Variants in KNDC1 observed in about 807,000 individuals in gnomAD.
KNDC1 encodes kinase non-catalytic C-lobe domain-containing protein 1.
Under a neutral mutation model 172.8 loss-of-function variants are expected in KNDC1, and 106 were observed. The ratio of observed to expected loss-of-function variants is 0.61; its 90% CI spans 0.52 to 0.72. The LOEUF (loss-of-function observed/expected upper bound fraction) is 0.72. Among genes scored for constraint, KNDC1 ranks in the 30% least tolerant of loss-of-function variants. The pLI is 0.00. For synonymous variants in KNDC1, 1,083 were observed against 1,062.2 expected (o/e 1.02, Z -0.38); for missense variants, 2,325 against 2,394.5 (o/e 0.97, Z 0.61).
chr10:133,222,327 A>G (rs920506702), intron 29 of KNDC1, among the ~76,000 whole-genome samples: 1 of 152,082 alleles, frequency 6.6e-6, no homozygotes, highest in Admixed American at 6.6e-5. Context: ...AGGAAAGAAA[A>G]CAAGCCAAGA....
At chr10:133,165,701 A>G (rs1853128908) in intron 1 of KNDC1, among the ~76,000 whole-genome samples, 1 of 152,158 alleles carries the variant, frequency 6.6e-6, no homozygotes, top group Admixed American at 6.5e-5. Context: ...GGGTGTGTGC[A>G]TGTGTTTGTG....
At chr10:133,222,251 C>A (rs1374598533) in intron 29 of KNDC1, among the ~76,000 whole-genome samples, 1 of 148,376 alleles carries the variant, frequency 6.7e-6, no homozygotes, top group African/African-American at 2.5e-5. Context: ...CCACCGCACT[C>A]CAGCCTGGGC....
chr10:133,196,933 G>T, intron 10 of KNDC1, 125 bp from the exon 11 acceptor site: 2 of 713,902 alleles, frequency 2.8e-6, no homozygotes, highest in Non-Finnish European at 5.0e-6. Flanking sequence ...GTTGGGTGTC[G>T]GTGAGAACAA....
At chr10:133,201,102 C>A (rs1351181704) in intron 16 of KNDC1, among the ~76,000 whole-genome samples, 1 of 152,232 alleles carries the variant, frequency 6.6e-6, no homozygotes, top group Admixed American at 6.5e-5. Flanking sequence ...ACAGGGGAAG[C>A]TCCCGCAGGG....
intron 1 of KNDC1, among the ~76,000 whole-genome samples, chr10:133,160,989 TGGG>T (rs1205569050): frequency 6.8e-6 from 1 of 147,668 alleles, no homozygotes; most frequent in Non-Finnish European, 1.5e-5. Context: ...GAGCGGGGGG[TGGG>T]GGGAGCGCTG....
At chr10:133,161,918 G>A (rs186795123) in intron 1 of KNDC1, among the ~76,000 whole-genome samples, 113 of 152,278 alleles carry the variant, frequency 7.4e-4, no homozygotes, top group African/African-American at 2.5e-3. Flanking sequence ...CACACAACAC[G>A]CCGCGCCAGG....
At chr10:133,189,456 C>T (rs989157114) in intron 7 of KNDC1, 142 bp from the exon 8 acceptor site, 13 of 746,706 alleles carry the variant, frequency 1.7e-5, no homozygotes, top group Admixed American at 8.8e-5. Context: ...AGGCCATGTG[C>T]GTGCACTGGC....
rs1350474832 is a variant in KNDC1 at position 133,197,062 on chromosome 10, G to C, written c.1739G>C (p.Cys580Ser). Reference sequence around the variant, plus strand: ...TGAACTGTCTCCTCCCTCCAGGTGTGCGGCAGCTACCTCCTCCAGCGAGGC... The same window carrying C: ...TGAACTGTCTCCTCCCTCCAGGTGTCCGGCAGCTACCTCCTCCAGCGAGGC... ...RPSAAEAIKV[C>S]GSYLLQRGMD... Residue 580 changes from cysteine to serine, a missense_variant, in exon 11 of 30, where the codon TGC becomes TCC. By Grantham distance (112) the Cys-to-Ser change is moderately radical. Transcript: ENST00000304613. The C allele has an allele frequency of 6.2e-7, 1 of 1,612,926 alleles. No homozygotes were observed. Among genetic ancestry groups the C allele is most frequent in the Non-Finnish European group, 8.5e-7 (1 of 1,179,624 alleles).
chr10:133,213,609 G>A, intron 24 of KNDC1, 36 bp from the exon 25 acceptor site: 1 of 1,594,282 alleles, frequency 6.3e-7, no homozygotes, highest in Non-Finnish European at 8.6e-7. Flanking sequence ...CCTAAGGGAT[G>A]GAAGCCTGAA....
chr10:133,172,536 G>A (rs964117145), intron 3 of KNDC1, among the ~76,000 whole-genome samples: 7 of 152,048 alleles, frequency 4.6e-5, no homozygotes, highest in Admixed American at 1.3e-4. Flanking sequence ...TGTTTTCACC[G>A]GCCTCAGGAT....
chr10:133,179,696 C>A (rs980353034), intron 3 of KNDC1, among the ~76,000 whole-genome samples: 1 of 152,216 alleles, frequency 6.6e-6, no homozygotes, highest in African/African-American at 2.4e-5. Context: ...TGTCCCCACT[C>A]GAGGCGAGAG....
At chr10:133,200,841 G>A (rs1476092512) in intron 16 of KNDC1, among the ~76,000 whole-genome samples, 2 of 152,244 alleles carry the variant, frequency 1.3e-5, no homozygotes, top group African/African-American at 4.8e-5. Flanking sequence ...GTGAGCCGGG[G>A]CTTTGGTGAC....
At chr10:133,168,224 CCTT>C in intron 2 of KNDC1, 27 bp from the exon 3 acceptor site, 1 of 1,592,502 alleles carries the variant, frequency 6.3e-7, no homozygotes, top group Non-Finnish European at 8.6e-7. Context: ...TGACCAGAAG[CCTT>C]CTCTCCTTCT....
intron 9 of KNDC1, among the ~76,000 whole-genome samples, chr10:133,190,880 A>G (rs539433622): frequency 6.6e-6 from 1 of 152,316 alleles, no homozygotes; most frequent in Non-Finnish European, 1.5e-5. Flanking sequence ...CGCGTCCGTG[A>G]GGCTGCAGTG....
intron 29 of KNDC1, among the ~76,000 whole-genome samples, chr10:133,221,099 A>C (rs1303984591): frequency 6.6e-6 from 1 of 152,106 alleles, no homozygotes; most frequent in Non-Finnish European, 1.5e-5. Flanking sequence ...GTTGGGACCC[A>C]GGCACACTTT....
chr10:133,182,597 T>C (rs1311088833), intron 3 of KNDC1, among the ~76,000 whole-genome samples: 4 of 152,238 alleles, frequency 2.6e-5, no homozygotes, highest in Non-Finnish European at 5.9e-5. Flanking sequence ...AGTGCGGCCG[T>C]GTCCAGGGTG....
At chr10:133,170,245 C>T (rs1029015594) in intron 3 of KNDC1, among the ~76,000 whole-genome samples, 4 of 152,160 alleles carry the variant, frequency 2.6e-5, no homozygotes, top group African/African-American at 7.2e-5. Context: ...AAGTGTGGCT[C>T]GTGGGGCAGG....
At chr10:133,196,826 G>C (rs1854205375) in intron 10 of KNDC1, among the ~76,000 whole-genome samples, 1 of 152,218 alleles carries the variant, frequency 6.6e-6, no homozygotes, top group Admixed American at 6.5e-5. Context: ...CCAACGCTGG[G>C]TTTGGGATTC....
At chr10:133,176,462 T>A (rs2135960725) in intron 3 of KNDC1, among the ~76,000 whole-genome samples, 1 of 152,034 alleles carries the variant, frequency 6.6e-6, no homozygotes, top group Non-Finnish European at 1.5e-5. Flanking sequence ...CCCAGGAGGG[T>A]TGTTGCTGGT....
Sources: allele counts gnomAD v4.1 joint callset (sites outside exome capture counted in the v4.1 genomes callset), GRCh38; gene constraint gnomAD v4.1.1; transcripts MANE v1.5; gene names NCBI Gene and HGNC (gene_info 2026-07-23, HGNC 2026-07-21).